The following CROCC2 variants were observed in gnomAD, a reference collection of about 807,000 sequenced individuals.
CROCC2 encodes the protein ciliary rootlet coiled-coil, rootletin family member 2.
A neutral mutation model predicts 177.6 loss-of-function variants in CROCC2; 163 were observed. The ratio of observed to expected loss-of-function variants is 0.92; its 90% CI spans 0.81 to 1.05. The LOEUF (loss-of-function observed/expected upper bound fraction) is 1.05. Among genes scored for constraint, CROCC2 ranks in the 50% least tolerant of loss-of-function variants. CROCC2 has a pLI of 0.00. For missense variants in CROCC2, 1,929 were observed against 1,797.8 expected, an observed-to-expected ratio of 1.07 and a Z score of -1.32; for synonymous variants, 904 against 787.3, an observed-to-expected ratio of 1.15 and a Z score of -2.48.
At chr2:240,985,785 C>G (rs1425847180) in intron 28 of CROCC2, 2 of 358,646 alleles carry the variant, frequency 5.6e-6, no homozygotes, top group Non-Finnish European at 1.1e-5. Flanking sequence ...TCAGCACACA[C>G]CCAGGCACCC....
chr2:240,937,354 T>G (rs1478563056), intron 14 of CROCC2, among the ~76,000 whole-genome samples: 2 of 152,212 alleles, frequency 1.3e-5, no homozygotes, highest in African/African-American at 4.8e-5. Context: ...TTTTTCCTAT[T>G]TTTTAAACTG....
At chr2:240,983,508 C>G in intron 28 of CROCC2, 1 of 1,244,462 alleles carries the variant, frequency 8.0e-7, no homozygotes, top group East Asian at 7.0e-5. Context: ...CAGGAGCAGA[C>G]GGCGGCGCTG....
rs1214377712 is a variant in CROCC2 at position 240,923,487 on chromosome 2, A to G, written c.488+842A>G. ...CTAACCCAGCCCCCCACACTAACCC[A>G]GCCCCCACACTAACCCAGCCCCCAA... On this transcript the variant is annotated intron_variant, in intron 4 of 31. Transcript: ENST00000690015. Among the ~76,000 whole-genome samples the G allele has an allele frequency of 7.1e-3, 228 of 32,246 alleles. 3 individuals carry two copies. The highest frequency in any genetic ancestry group is 0.031 in the African/African-American group (209 of 6,682). The allele number at this position is 32,246 out of a possible 152,430, so 21.2% of individuals were successfully genotyped here.
In CROCC2 at chr2:240,932,680, C is replaced by T. The variant is rs1282070327; in HGVS notation, c.1045-22C>T. 4.1e-6 allele frequency: 3 copies of T among 726,868 alleles called. No homozygotes were observed. The East Asian group carries it at 8.0e-5, about 19-fold the overall frequency. The allele number at this position is 726,868 out of a possible 1,614,324, so 45.0% of individuals were successfully genotyped here. ...GCCCTGTGCTCTGGGCCCCTCTATC[C>T]CTTCCTCTCTGCACCTTGAAGGTGG... On this transcript the variant is annotated intron_variant, in intron 8 of 31. Coordinates refer to ENST00000690015, the MANE Select transcript of CROCC2 (RefSeq NM_001351305.2).
rs1287607338 is a variant in CROCC2 at position 240,966,406 on chromosome 2, G to A, written c.4143G>A (p.Glu1381=). 1 of 401,020 alleles carries A rather than the reference G, an allele frequency of 2.5e-6. No homozygotes were observed. The highest frequency in any genetic ancestry group is 4.4e-5 in the Admixed American group (1 of 22,738). 24.8% of individuals were successfully genotyped at this position (401,020 alleles called of 1,614,324 possible). A position where few individuals can be genotyped will look rare whatever the true frequency, so the allele number is the denominator to read the frequency against. The change falls in exon 25 of 32, where the codon GAG becomes GAA. Residue 1381 remains glutamate, a synonymous_variant. Coordinates refer to ENST00000690015, the MANE Select transcript of CROCC2 (RefSeq NM_001351305.2). ...FVQKLREAQR[E]RDDSRIQMAT... ...AGAAGCTCCGGGAAGCCCAGCGGGA[G>A]CGGGTAATGGGGGCTGGGGTCCTCC... is the stretch of plus-strand genomic sequence containing the variant.
intron 5 of CROCC2, among the ~76,000 whole-genome samples, chr2:240,926,781 C>T (rs2059397766): frequency 6.6e-6 from 1 of 152,250 alleles, no homozygotes; most frequent in Non-Finnish European, 1.5e-5. Context: ...ACAAACCAGC[C>T]GAGGTTTACA....
intron 15 of CROCC2, among the ~76,000 whole-genome samples, chr2:240,947,309 G>A (rs2059529612): frequency 6.6e-6 from 1 of 152,206 alleles, no homozygotes; most frequent in Non-Finnish European, 1.5e-5. Flanking sequence ...CAAGGACCGG[G>A]GTGGAGGTCC....
At chr2:240,909,319 G>GGGT (rs967052872) in intron 1 of CROCC2, among the ~76,000 whole-genome samples, 3 of 148,266 alleles carry the variant, frequency 2.0e-5, no homozygotes, top group Non-Finnish European at 4.5e-5. Context: ...CCTCCACCTG[G>GGGT]GGTGAGCTCT....
At chr2:240,939,066 A>G (rs1475493808) in intron 14 of CROCC2, among the ~76,000 whole-genome samples, 1 of 152,162 alleles carries the variant, frequency 6.6e-6, no homozygotes, top group Non-Finnish European at 1.5e-5. Context: ...GAGAGTGGCC[A>G]TACTTCCACC....
chr2:240,913,102 C>A (rs186244858), intron 1 of CROCC2, among the ~76,000 whole-genome samples: 8 of 152,318 alleles, frequency 5.3e-5, no homozygotes, highest in Admixed American at 3.9e-4. Context: ...CGCTCAGGAA[C>A]CCCCACTAGC....
chr2:240,937,219 T>C (rs1195101826), intron 14 of CROCC2, among the ~76,000 whole-genome samples: 1 of 152,220 alleles, frequency 6.6e-6, no homozygotes, highest in Non-Finnish European at 1.5e-5. Flanking sequence ...TTAGCTATTC[T>C]GTATATGTGA....
At position 240,949,582 on chromosome 2, in the gene CROCC2, G is replaced by T; in HGVS notation, c.2532G>T (p.Leu844=). The T allele has an allele frequency of 6.4e-7, 1 of 1,550,590 alleles. No individual in the cohort carries two copies. The highest frequency in any genetic ancestry group is 1.4e-5 in the African/African-American group (1 of 73,168). ...ACTGGGAGGTCCAGGAAATGAAGCTGCGGCAGGACACGGTGCGGCTCCAGC... is the reference window on the plus strand; with the variant it reads ...ACTGGGAGGTCCAGGAAATGAAGCTTCGGCAGGACACGGTGCGGCTCCAGC... ...QSDWEVQEMK[L]RQDTVRLQRQ... Residue 844 remains leucine, a synonymous_variant, in exon 17 of 32, where the codon CTG becomes CTT. Transcript: ENST00000690015. This position sits in a 1 kb window ranked among gnomAD's most constrained non-coding sequence, Gnocchi z 4.5.
intron 1 of CROCC2, among the ~76,000 whole-genome samples, chr2:240,915,138 C>A (rs985609063): frequency 6.6e-6 from 1 of 152,166 alleles, no homozygotes; most frequent in African/African-American, 2.4e-5. Context: ...GCCTCAGTTT[C>A]CCCATCTGCA....
chr2:240,934,507 C>G (rs1427354725), intron 12 of CROCC2, 32 bp downstream of exon 12: 8 of 1,532,952 alleles, frequency 5.2e-6, no homozygotes. Context: ...CCCGCCCCCT[C>G]TCCTGTCTGC....
At chr2:240,929,900 A>C (rs1181285799) in intron 5 of CROCC2, among the ~76,000 whole-genome samples, 5 of 151,882 alleles carry the variant, frequency 3.3e-5, no homozygotes, top group African/African-American at 7.3e-5. Flanking sequence ...CACGCACCCC[A>C]CCCTCCCACC....
At chr2:240,935,239 C>T (rs2059460749) in intron 13 of CROCC2, 119 bp from the exon 14 acceptor site, 13 of 1,195,248 alleles carry the variant, frequency 1.1e-5, no homozygotes, top group Non-Finnish European at 1.4e-5. Flanking sequence ...GAAGAGAGTG[C>T]CCCTGGGCCA....
intron 14 of CROCC2, among the ~76,000 whole-genome samples, chr2:240,937,372 G>C (rs74698853): frequency 0.037 from 5,692 of 152,040 alleles, 324 homozygotes; most frequent in African/African-American, 0.13. Context: ...CTGGGCTTTT[G>C]CATTTTGGTT....
chr2:240,923,308 C>A (rs2059369337), intron 4 of CROCC2, among the ~76,000 whole-genome samples: 1 of 151,840 alleles, frequency 6.6e-6, no homozygotes, highest in African/African-American at 2.4e-5. Flanking sequence ...ACATTAGGAC[C>A]CTGGCAACAG....
At chr2:240,921,001 G>A (rs2059354374) in intron 3 of CROCC2, among the ~76,000 whole-genome samples, 1 of 152,164 alleles carries the variant, frequency 6.6e-6, no homozygotes, top group Non-Finnish European at 1.5e-5. Context: ...CATGTCAGAT[G>A]ACCCCACTTT....
Sources: allele counts gnomAD v4.1 joint callset (sites outside exome capture counted in the v4.1 genomes callset), GRCh38; gene constraint gnomAD v4.1.1; non-coding constraint Gnocchi (gnomAD v3.1); transcripts MANE v1.5; gene names NCBI Gene and HGNC (gene_info 2026-07-23, HGNC 2026-07-21).